Variants in ZFP1 observed in about 807,000 individuals in gnomAD.
The protein encoded by ZFP1 is zinc finger protein 1 homolog.
In ZFP1, 32 loss-of-function variants were observed where a neutral mutation model predicts 38.5. The ratio of observed to expected loss-of-function variants is 0.83; its 90% CI spans 0.63 to 1.12. The LOEUF is 1.12. Ranked by LOEUF, ZFP1 falls within the 50% of genes most tolerant of loss-of-function variation. ZFP1 has a pLI of 0.00. For synonymous variants in ZFP1, 245 were observed against 168.8 expected, an observed-to-expected ratio of 1.45 and a Z score of -3.50; for missense variants, 616 against 480.8, an observed-to-expected ratio of 1.28 and a Z score of -2.63.
chr16:75,156,962 CT>C (rs2037497766), intron 2 of ZFP1, among the ~76,000 whole-genome samples: 1 of 152,194 alleles, frequency 6.6e-6, no homozygotes, highest in African/African-American at 2.4e-5. Flanking sequence ...CCGCAGGTAT[CT>C]TGTTGATGAC....
upstream of ZFP1, among the ~76,000 whole-genome samples, chr16:75,144,966 G>A (rs535204268): frequency 6.6e-6 from 1 of 152,246 alleles, no homozygotes; most frequent in South Asian, 2.1e-4. Context: ...AGTAGCTGGG[G>A]CCACAGGCAC....
intron 2 of ZFP1, among the ~76,000 whole-genome samples, chr16:75,156,681 G>A (rs2037486202): frequency 6.6e-6 from 1 of 152,046 alleles, no homozygotes; most frequent in African/African-American, 2.4e-5. Context: ...TGAATTTTTG[G>A]TACGAATATA....
At chr16:75,155,114 C>T (rs2037407268) in intron 2 of ZFP1, among the ~76,000 whole-genome samples, 1 of 152,076 alleles carries the variant, frequency 6.6e-6, no homozygotes, top group African/African-American at 2.4e-5. Flanking sequence ...GTGTTTCAAT[C>T]TCTTAATTAT....
At chr16:75,163,500 C>G (rs922078034) in intron 2 of ZFP1, among the ~76,000 whole-genome samples, 1 of 151,660 alleles carries the variant, frequency 6.6e-6, no homozygotes, top group African/African-American at 2.4e-5. Flanking sequence ...TTAGTAGAGA[C>G]GGGGTTTCAC....
intron 2 of ZFP1, among the ~76,000 whole-genome samples, chr16:75,158,599 T>C (rs1367851327): frequency 1.3e-5 from 2 of 150,720 alleles, no homozygotes; most frequent in African/African-American, 2.4e-5. Flanking sequence ...GGCCTATTTC[T>C]GTCTTTTAAT....
At chr16:75,155,333 C>T (rs144030799) in intron 2 of ZFP1, among the ~76,000 whole-genome samples, 1 of 152,220 alleles carries the variant, frequency 6.6e-6, no homozygotes, top group East Asian at 1.9e-4. Context: ...GGAGTTTTGC[C>T]CTGTCGCTCA....
chr16:75,167,469 C>T (rs184949250), intron 3 of ZFP1, among the ~76,000 whole-genome samples: 10 of 151,632 alleles, frequency 6.6e-5, no homozygotes, highest in South Asian at 2.1e-4. Flanking sequence ...CCTAACATAT[C>T]TTAAACTTTG....
At chr16:75,150,119 T>A (rs1025850882) in intron 1 of ZFP1, among the ~76,000 whole-genome samples, 1 of 152,122 alleles carries the variant, frequency 6.6e-6, no homozygotes, top group Non-Finnish European at 1.5e-5. Flanking sequence ...TCAATTCAAA[T>A]TTTTTTAACT....
At chr16:75,158,302 C>G (rs2037569594) in intron 2 of ZFP1, among the ~76,000 whole-genome samples, 1 of 151,308 alleles carries the variant, frequency 6.6e-6, no homozygotes, top group Non-Finnish European at 1.5e-5. Flanking sequence ...TCACTGCAGC[C>G]TCAAGTTCCT....
At chr16:75,156,708 T>C (rs2037487419) in intron 2 of ZFP1, among the ~76,000 whole-genome samples, 1 of 152,214 alleles carries the variant, frequency 6.6e-6, no homozygotes, top group African/African-American at 2.4e-5. Flanking sequence ...GGGAGTGGGA[T>C]GCTATGCATT....
the ZFP1 span, among the ~76,000 whole-genome samples, chr16:75,130,402 T>C: frequency 6.6e-6 from 1 of 152,166 alleles, no homozygotes; most frequent in African/African-American, 2.4e-5. Flanking sequence ...AGTGGCCTGC[T>C]AGCGCTTGGG....
At chr16:75,153,277 A>G (rs193047323) in intron 2 of ZFP1, among the ~76,000 whole-genome samples, 5 of 152,344 alleles carry the variant, frequency 3.3e-5, no homozygotes, top group Non-Finnish European at 5.9e-5. Context: ...TGGTTGTTTC[A>G]TATAACATTC....
chr16:75,121,992 C>T, the ZFP1 span, among the ~76,000 whole-genome samples: 1 of 152,024 alleles, frequency 6.6e-6, no homozygotes, highest in Non-Finnish European at 1.5e-5. Flanking sequence ...AACTGTATAC[C>T]CAGCCCAAAA....
At chr16:75,132,020 T>G in the ZFP1 span, among the ~76,000 whole-genome samples, 6 of 152,098 alleles carry the variant, frequency 3.9e-5, no homozygotes, top group African/African-American at 1.4e-4. Flanking sequence ...CAAATCAAGT[T>G]TGGTTGATGC....
chr16:75,157,540 G>A (rs957316225), intron 2 of ZFP1, among the ~76,000 whole-genome samples: 4 of 152,018 alleles, frequency 2.6e-5, no homozygotes, highest in African/African-American at 9.7e-5. Context: ...CACTGCACCT[G>A]GCCTTCATTC....
chr16:75,130,765 C>T, the ZFP1 span, among the ~76,000 whole-genome samples: 1 of 152,030 alleles, frequency 6.6e-6, no homozygotes, highest in South Asian at 2.1e-4. Flanking sequence ...GCCTAGCTAC[C>T]TACCGTAATA....
chr16:75,167,418 C>G (rs1273602963), intron 3 of ZFP1, among the ~76,000 whole-genome samples: 1 of 148,756 alleles, frequency 6.7e-6, no homozygotes, highest in Non-Finnish European at 1.5e-5. Context: ...CCTGTTTAAT[C>G]TTATAGATAT....
chr16:75,138,024 C>CTTT, the ZFP1 span, among the ~76,000 whole-genome samples: 308 of 64,968 alleles, frequency 4.7e-3, 62 homozygotes, highest in African/African-American at 0.021. Context: ...CTCCCACTTC[C>CTTT]TTTTTTTTTT....
chr16:75,139,748 C>A, the ZFP1 span, among the ~76,000 whole-genome samples: 1 of 152,080 alleles, frequency 6.6e-6, no homozygotes, highest in East Asian at 1.9e-4. Flanking sequence ...CATCAAAATT[C>A]ATAGAACCAG....
Sources: gnomAD v4.1 joint callset for allele counts (sites outside exome capture counted in the v4.1 genomes callset) on GRCh38, gnomAD v4.1.1 for gene constraint, MANE v1.5 for transcripts, NCBI Gene and HGNC (gene_info 2026-07-23, HGNC 2026-07-21) for gene names.